DHX30: variants seen among roughly 807,000 people sequenced by gnomAD.
The protein encoded by DHX30 is DExH-box helicase 30, also known as ATP-dependent RNA helicase DHX30.
Under a neutral mutation model 116.9 loss-of-function variants are expected in DHX30, and 4 were observed. That is an observed-to-expected ratio of 0.03 (90% CI 0.02 to 0.08). The LOEUF is 0.08. Among genes scored for constraint, DHX30 ranks in the 10% least tolerant of loss-of-function variants. DHX30 has a pLI of 1.00. For missense variants in DHX30, 871 were observed against 1,595.1 expected, an observed-to-expected ratio of 0.55 and a Z score of 7.73; for synonymous variants, 697 against 651.7, an observed-to-expected ratio of 1.07 and a Z score of -1.06.
rs755918286 is a variant in DHX30 at position 47,847,778 on chromosome 3, C to T, written c.2111-3C>T. The T allele has an allele frequency of 1.4e-5, 22 of 1,612,454 alleles. No individual in the cohort carries two copies. In the South Asian group the frequency reaches 2.1e-4, roughly 15 times the overall value. ...CATAACTGGTGTGTGTCTTGCCCAC[C>T]AGTGCACTCCAACATCCCCATGATG... On this transcript the variant is annotated splice_polypyrimidine_tract_variant and splice_region_variant and intron_variant, in intron 13 of 21. Coordinates refer to ENST00000445061, the MANE Select transcript of DHX30 (RefSeq NM_138615.3). This position sits in a 1 kb window ranked among gnomAD's most constrained non-coding sequence, Gnocchi z 5.5.
At chr3:47,829,335 T>G (rs1294419596) in intron 6 of DHX30, among the ~76,000 whole-genome samples, 6 of 117,338 alleles carry the variant, frequency 5.1e-5, no homozygotes, top group Admixed American at 9.3e-5. Flanking sequence ...TTTTTTCCTG[T>G]GTTTTTGGTT....
At chr3:47,814,812 G>A (rs141712035) in intron 3 of DHX30, among the ~76,000 whole-genome samples, 2 of 152,020 alleles carry the variant, frequency 1.3e-5, no homozygotes, top group African/African-American at 4.8e-5. Context: ...GAACCACCAC[G>A]CCCGGCCGTT....
rs957924595 is a variant in DHX30, at chr3:47,805,317, A to T, written c.-122-9A>T. On this transcript the variant is annotated splice_polypyrimidine_tract_variant and intron_variant, in intron 1 of 21. Transcript: ENST00000445061. ...CTCCACTGTATTGACTCAGCGTTGT[A>T]CTTCTCAGGAGGAGGCCCAGCCTCG... 2 of 398,944 alleles carry T rather than the reference A, an allele frequency of 5.0e-6. No homozygotes were observed. The highest frequency in any genetic ancestry group is 4.4e-6 in the Non-Finnish European group (1 of 226,066). 24.7% of individuals were successfully genotyped at this position (398,944 alleles called of 1,614,324 possible).
chr3:47,827,614 G>C (rs920843758), intron 5 of DHX30, 137 bp downstream of exon 5: 2 of 1,223,060 alleles, frequency 1.6e-6, no homozygotes, highest in East Asian at 5.4e-5. Context: ...GAGACTCAGA[G>C]CAAAGCTAGG....
chr3:47,832,002 T>A (rs937034350), intron 6 of DHX30, among the ~76,000 whole-genome samples: 2 of 151,144 alleles, frequency 1.3e-5, no homozygotes, highest in East Asian at 3.9e-4. Flanking sequence ...CTTGAACTAT[T>A]CTTAATGAAT....
intron 6 of DHX30, among the ~76,000 whole-genome samples, chr3:47,836,176 G>T (rs952560760): frequency 6.6e-6 from 1 of 152,240 alleles, no homozygotes; most frequent in East Asian, 1.9e-4. Context: ...AGAGTGCAAT[G>T]GTGCAATGGC....
At chr3:47,827,625 T>A in intron 5 of DHX30, 148 bp downstream of exon 5, 1 of 1,149,440 alleles carries the variant, frequency 8.7e-7, no homozygotes, top group Non-Finnish European at 1.2e-6. Flanking sequence ...CAAAGCTAGG[T>A]TTGAAGAAGA....
At chr3:47,825,178 G>A (rs1047993630) in intron 4 of DHX30, 3 of 663,482 alleles carry the variant, frequency 4.5e-6, no homozygotes, top group African/African-American at 3.8e-5. Context: ...CCACACCAAG[G>A]AAGCCGCCGA....
chr3:47,829,161 G>T, intron 6 of DHX30, 27 bp downstream of exon 6: 1 of 1,319,452 alleles, frequency 7.6e-7, no homozygotes, highest in South Asian at 1.3e-5. Flanking sequence ...GAAAGCCACT[G>T]AGACCTTCCT....
intron 9 of DHX30, among the ~76,000 whole-genome samples, chr3:47,844,386 G>C (rs868797994): frequency 6.6e-6 from 1 of 152,246 alleles, no homozygotes; most frequent in African/African-American, 2.4e-5. Context: ...CACGCACTGT[G>C]AGCAGAAGCA....
At chr3:47,805,985 C>T (rs2106922360) in intron 2 of DHX30, among the ~76,000 whole-genome samples, 1 of 151,946 alleles carries the variant, frequency 6.6e-6, no homozygotes, top group Admixed American at 6.6e-5. Context: ...TTAAGAGACA[C>T]ATTGAGCTAC....
rs71070236 is a variant in DHX30, at chr3:47,833,537, C to CAAAAA, written c.366+4420_366+4424dup. Among the ~76,000 whole-genome samples the CAAAAA allele has an allele frequency of 2.1e-4, 13 of 62,368 alleles. 2 individuals carry two copies. The highest frequency in any genetic ancestry group is 4.8e-4 in the African/African-American group (7 of 14,474). The allele number at this position is 62,368 out of a possible 152,430, so 40.9% of individuals were successfully genotyped here. ...GCAAAGCAGGACTCTCTCTCTCTCT[C>CAAAAA]AAAAAAAAAAAAAAAAAAAAAGAAA... On this transcript the variant is annotated intron_variant, in intron 6 of 21. Coordinates refer to ENST00000445061, the MANE Select transcript of DHX30 (RefSeq NM_138615.3).
chr3:47,847,634 G>T lies in DHX30; in HGVS notation c.2110+98G>T. On this transcript the variant is annotated intron_variant, in intron 13 of 21. Transcript: ENST00000445061. This position sits in a 1 kb window ranked among gnomAD's most constrained non-coding sequence, Gnocchi z 5.5. ...TGGGACTCCAGGGGCCCCGGTTTCT[G>T]ACCAAGCTGTGGCACTTTTCACTGG... is the stretch of plus-strand genomic sequence containing the variant. The T allele has an allele frequency of 6.8e-7, 1 of 1,459,976 alleles. No individual in the cohort carries two copies. Among genetic ancestry groups the T allele is most frequent in the South Asian group, 1.4e-5 (1 of 73,354 alleles). 90.4% of individuals were successfully genotyped at this position (1,459,976 alleles called of 1,614,324 possible).
chr3:47,803,667 TGC>T (rs1576450756), intron 1 of DHX30, among the ~76,000 whole-genome samples: 1 of 152,332 alleles, frequency 6.6e-6, no homozygotes, highest in East Asian at 1.9e-4. Context: ...GGAGGCCCGG[TGC>T]CTTCTGGCCC....
At chr3:47,825,261 C>A in intron 4 of DHX30, 1 of 570,694 alleles carries the variant, frequency 1.8e-6, no homozygotes, top group Admixed American at 3.4e-5. Flanking sequence ...AGGGCATCGG[C>A]GGGGGCGGGC....
Position 47,840,951 on chromosome 3 carries a change from C to G in DHX30, c.441C>G (p.Gly147=), listed in dbSNP as rs1400186372. The change falls in exon 7 of 22, where the codon GGC becomes GGG. Residue 147 remains glycine (G), a synonymous_variant. Coordinates refer to ENST00000445061, the MANE Select transcript of DHX30 (RefSeq NM_138615.3). ...ACCGAGTGCTAGCTGATCGCTTTGG[C>G]TCCCCTGCCGACAGCTGGTGGCGTC... The part of the protein sequence containing the change: ...AKYRVLADRF[G]SPADSWWRPE... 1.9e-6 allele frequency: 3 copies of G among 1,614,222 alleles called. No homozygotes were observed. The highest frequency in any genetic ancestry group is 2.7e-5 in the African/African-American group (2 of 75,070).
At chr3:47,810,225 C>G (rs2035731653) in intron 2 of DHX30, among the ~76,000 whole-genome samples, 1 of 152,122 alleles carries the variant, frequency 6.6e-6, no homozygotes, top group Admixed American at 6.6e-5. Flanking sequence ...CCTGATGCCA[C>G]ATGACAGAAG....
At chr3:47,810,882 A>G (rs1359451092) in intron 3 of DHX30, among the ~76,000 whole-genome samples, 171 bp downstream of exon 3, 1 of 151,386 alleles carries the variant, frequency 6.6e-6, no homozygotes. Context: ...ATCTGTGCCA[A>G]CCCTTGCCAT....
At chr3:47,841,467 G>C in intron 7 of DHX30, 150 bp from the exon 8 acceptor site, 2 of 1,108,178 alleles carry the variant, frequency 1.8e-6, no homozygotes, top group East Asian at 2.5e-5. Context: ...TGTGGGAGGA[G>C]CAGAGACGCC....
Sources: gnomAD v4.1 joint callset for allele counts (sites outside exome capture counted in the v4.1 genomes callset) on GRCh38, gnomAD v4.1.1 for gene constraint, Gnocchi (gnomAD v3.1) non-coding constraint, MANE v1.5 for transcripts, NCBI Gene and HGNC (gene_info 2026-07-23, HGNC 2026-07-21) for gene names.